SEMA4D: variants seen among roughly 807,000 people sequenced by gnomAD.
SEMA4D encodes the protein semaphorin 4D.
Under a neutral mutation model 74.8 loss-of-function variants are expected in SEMA4D, and 22 were observed. The ratio of observed to expected loss-of-function variants is 0.29; its 90% CI spans 0.21 to 0.42. The LOEUF (loss-of-function observed/expected upper bound fraction) is 0.42, where lower values mean the gene tolerates loss of function less well. SEMA4D is among the 10% of genes least tolerant of loss of function. The probability of loss-of-function intolerance (pLI) is 1.00; values close to 1 mark genes in which losing one functional copy is unlikely to be tolerated. For synonymous variants in SEMA4D, 445 were observed against 463.7 expected (o/e 0.96, Z 0.52); for missense variants, 937 against 1,118.4 (o/e 0.84, Z 2.31).
intron 1 of SEMA4D, among the ~76,000 whole-genome samples, chr9:89,461,852 G>A (rs561328658): frequency 6.6e-5 from 10 of 151,916 alleles, no homozygotes; most frequent in African/African-American, 1.7e-4. Context: ...ACAGGCGTGC[G>A]CCACTACGCC....
At chr9:89,450,188 G>A (rs1045630704) in intron 2 of SEMA4D, 111 of 1,276,524 alleles carry the variant, frequency 8.7e-5, no homozygotes, top group Non-Finnish European at 1.2e-4. Flanking sequence ...ACAAGCAGAA[G>A]AAGGACCATG....
At chr9:89,361,453 C>T (rs977479594) in exon 19 of SEMA4D, 1 of 152,132 alleles carries the variant, frequency 6.6e-6, no homozygotes, top group Non-Finnish European at 1.5e-5. Context: ...AACTGTCATT[C>T]AACAGACAAG....
chr9:89,428,138 C>T (rs771318180), intron 2 of SEMA4D, among the ~76,000 whole-genome samples: 3 of 152,128 alleles, frequency 2.0e-5, no homozygotes, highest in Non-Finnish European at 4.4e-5. Flanking sequence ...TGCTGTCCGT[C>T]TGACCACCGC....
At chr9:89,436,806 G>A (rs1850526403) in intron 2 of SEMA4D, among the ~76,000 whole-genome samples, 1 of 152,252 alleles carries the variant, frequency 6.6e-6, no homozygotes, top group Non-Finnish European at 1.5e-5. Flanking sequence ...CAGGTCGCCT[G>A]GCGAGGGCAA....
In SEMA4D at chr9:89,478,354, G is replaced by T. The variant is rs1288767954; in HGVS notation, c.-310+19565C>A. On this transcript the variant is annotated intron_variant, in intron 1 of 15. Transcript: ENST00000422704. ...ATGTGATGTTGGAGCAGAGACTGGA[G>T]CAATGTGTCACAAGCCAAGGGACAC... is the stretch of plus-strand genomic sequence containing the variant. Among the ~76,000 whole-genome samples, 5 of 152,180 alleles carry T rather than the reference G, an allele frequency of 3.3e-5. No individual in the cohort carries two copies. In the East Asian group the frequency reaches 9.6e-4, roughly 29 times the overall value.
chr9:89,364,184 T>C, intron 16 of SEMA4D: 1 of 779,734 alleles, frequency 1.3e-6, no homozygotes, highest in Non-Finnish European at 2.0e-6. Context: ...TTGCCATTTT[T>C]CAAAGCACAC....
At chr9:89,418,906 TC>T (rs772242876) in intron 2 of SEMA4D, 14 of 152,326 alleles carry the variant, frequency 9.2e-5, no homozygotes, top group Non-Finnish European at 1.8e-4. Flanking sequence ...CCTTTTGCTT[TC>T]AGAGCTTATA....
chr9:89,394,414 A>T (rs1840473164), intron 6 of SEMA4D, among the ~76,000 whole-genome samples: 1 of 152,238 alleles, frequency 6.6e-6, no homozygotes, highest in Non-Finnish European at 1.5e-5. Flanking sequence ...GTGTGGACAA[A>T]CGAGTGAGAA....
intron 2 of SEMA4D, chr9:89,449,543 G>A (rs1211735092): frequency 5.2e-6 from 4 of 773,036 alleles, no homozygotes; most frequent in Non-Finnish European, 9.6e-6. Flanking sequence ...AGGCTGCAGT[G>A]GTGGTGGCAG....
At chr9:89,473,574 C>T (rs189334337) in intron 1 of SEMA4D, among the ~76,000 whole-genome samples, 3 of 151,818 alleles carry the variant, frequency 2.0e-5, no homozygotes, top group Non-Finnish European at 4.4e-5. Context: ...TCAAAAACAA[C>T]GGCCGGGCAT....
At chr9:89,450,307 A>G (rs907595586) in intron 2 of SEMA4D, 1 of 911,668 alleles carries the variant, frequency 1.1e-6, no homozygotes, top group Non-Finnish European at 1.9e-6. Flanking sequence ...TACAAATGAG[A>G]CCCCTCCAAA....
chr9:89,397,070 G>C (rs570728792), intron 5 of SEMA4D, among the ~76,000 whole-genome samples: 2 of 152,270 alleles, frequency 1.3e-5, no homozygotes, highest in East Asian at 3.9e-4. Context: ...GGTTCACTGA[G>C]ACCCCAACCC....
chr9:89,371,428 G>T (rs1261578848), intron 16 of SEMA4D, among the ~76,000 whole-genome samples: 1 of 121,612 alleles, frequency 8.2e-6, no homozygotes, highest in Non-Finnish European at 1.8e-5. Context: ...TGTGTCTGGG[G>T]TGTGTGTGTG....
intron 1 of SEMA4D, among the ~76,000 whole-genome samples, chr9:89,489,073 C>G (rs1255796873): frequency 6.6e-6 from 1 of 152,230 alleles, no homozygotes; most frequent in East Asian, 1.9e-4. Context: ...ACAGCACTAC[C>G]ACATTTCCAC....
At chr9:89,408,400 C>T (rs957115488) in intron 2 of SEMA4D, among the ~76,000 whole-genome samples, 4 of 152,154 alleles carry the variant, frequency 2.6e-5, no homozygotes, top group Non-Finnish European at 5.9e-5. Context: ...CAATGACAGA[C>T]ATAAGAAAGG....
intron 2 of SEMA4D, among the ~76,000 whole-genome samples, chr9:89,433,627 G>C (rs1849754288): frequency 6.6e-6 from 1 of 152,188 alleles, no homozygotes; most frequent in African/African-American, 2.4e-5. Flanking sequence ...TCCCACCCCT[G>C]CATGTAGCCG....
Position 89,378,839 on chromosome 9 carries a change from C to T in SEMA4D, c.2454G>A (p.Glu818=), listed in dbSNP as rs752946167. 3 of 1,614,218 alleles carry T rather than the reference C, an allele frequency of 1.9e-6. 1 individual carries two copies. Among genetic ancestry groups the T allele is most frequent in the South Asian group, 2.2e-5 (2 of 91,086 alleles). ...KPALDTGYET[E]QDTITSKVPT... is the part of the protein sequence containing the mutation. Reference sequence around the variant, plus strand: ...GGACTTTGCTGGTGATGGTGTCTTGCTCGGTCTCATAGCCGGTGTCCAGGG... The same window carrying T: ...GGACTTTGCTGGTGATGGTGTCTTGTTCGGTCTCATAGCCGGTGTCCAGGG... Residue 818 remains glutamate (E), a synonymous_variant, in exon 16 of 16, where the codon GAG becomes GAA. Coordinates refer to ENST00000422704, the MANE Select transcript of SEMA4D (RefSeq NM_001371194.2).
intron 5 of SEMA4D, 142 bp from the exon 6 acceptor site, chr9:89,396,977 A>G: frequency 2.9e-6 from 2 of 700,256 alleles, no homozygotes; most frequent in Admixed American, 2.2e-5. Flanking sequence ...CCAACGAGGC[A>G]TGTGTGCATT....
chr9:89,442,554 C>G (rs1356552348), intron 2 of SEMA4D, among the ~76,000 whole-genome samples: 2 of 152,080 alleles, frequency 1.3e-5, no homozygotes, highest in African/African-American at 2.4e-5. Context: ...AAAAATAAAC[C>G]ATCTGCCTGG....
Sources: allele counts gnomAD v4.1 joint callset (sites outside exome capture counted in the v4.1 genomes callset), GRCh38; gene constraint gnomAD v4.1.1; transcripts MANE v1.5; gene names NCBI Gene and HGNC (gene_info 2026-07-23, HGNC 2026-07-21).